The following FBXO28 variants were observed in gnomAD, a reference collection of about 807,000 sequenced individuals.
FBXO28 encodes the protein F-box only protein 28.
FBXO28 carries 8 observed loss-of-function variants against 38.1 expected under a neutral mutation model. The observed-to-expected ratio is 0.21, with a 90% CI of 0.12 to 0.38. The LOEUF (loss-of-function observed/expected upper bound fraction) is 0.38, where lower values mean the gene tolerates loss of function less well. Ranked by LOEUF, FBXO28 falls within the 10% of genes least tolerant of loss-of-function variation. The pLI is 1.00. For synonymous variants in FBXO28, 168 were observed against 173.8 expected, an observed-to-expected ratio of 0.97 and a Z score of 0.26; for missense variants, 345 against 460.6, an observed-to-expected ratio of 0.75 and a Z score of 2.30.
rs553797905 is a variant in FBXO28, at chr1:224,161,086, A to G, written c.*3340A>G. On this transcript the variant is annotated 3_prime_UTR_variant, in exon 5 of 5. Transcript: ENST00000366862. ...TCCCACTTGTTCCTTATTCTTAATA[A>G]ACTTTTTCCTGAGACAGGGCACTTA... 6 of 152,318 alleles carry G rather than the reference A, an allele frequency of 3.9e-5. No individual in the cohort carries two copies. Among genetic ancestry groups the G allele is most frequent in the Admixed American group, 3.9e-4 (6 of 15,288 alleles). The allele number at this position is 152,318 out of a possible 1,614,324, so 9.4% of individuals were successfully genotyped here.
rs890185423 is a variant in FBXO28, at chr1:224,157,783, C to A, written c.*37C>A. 10 of 1,555,994 alleles carry A rather than the reference C, an allele frequency of 6.4e-6. No individual in the cohort carries two copies. Among genetic ancestry groups the A allele is most frequent in the Non-Finnish European group, 8.7e-6 (10 of 1,155,768 alleles). On this transcript the variant is annotated 3_prime_UTR_variant, in exon 5 of 5. Coordinates refer to ENST00000366862, the MANE Select transcript of FBXO28 (RefSeq NM_015176.4). ...GTTCTAGTTCCAGAGGAAGACACAG[C>A]TTAGTAGCTTAAGCAGTTATGCATA...
chr1:224,150,921 C>T lies in FBXO28; in HGVS notation c.517-2221C>T, dbSNP rs147340197. ...TTATTTACTGTTTTTTACTCCAGTA[C>T]TTTGAAAAGTGACAAGTACATAGTA... On this transcript the variant is annotated intron_variant, in intron 3 of 4. Transcript: ENST00000366862. Among the ~76,000 whole-genome samples the T allele has an allele frequency of 1.2e-3, 175 of 152,168 alleles. 1 individual carries two copies. Among genetic ancestry groups the T allele is most frequent in the Admixed American group, 7.8e-3 (119 of 15,270 alleles).
intron 3 of FBXO28, among the ~76,000 whole-genome samples, chr1:224,144,758 C>CA (rs751551504): frequency 6.6e-5 from 10 of 151,666 alleles, no homozygotes; most frequent in Non-Finnish European, 1.5e-4. Context: ...GACTCCATCT[C>CA]AAAAAACAAA....
At chr1:224,151,350 C>T (rs534964754) in intron 3 of FBXO28, among the ~76,000 whole-genome samples, 213 of 152,302 alleles carry the variant, frequency 1.4e-3, no homozygotes, top group African/African-American at 5.0e-3. Context: ...AGCCCACAAA[C>T]CTGGCCTCTC....
At chr1:224,126,655 G>A (rs1326544502) in intron 1 of FBXO28, among the ~76,000 whole-genome samples, 1 of 151,934 alleles carries the variant, frequency 6.6e-6, no homozygotes, top group Non-Finnish European at 1.5e-5. Context: ...TCTCTATTAC[G>A]AAAAATTAGC....
At chr1:224,119,538 C>T (rs559753445) in intron 1 of FBXO28, among the ~76,000 whole-genome samples, 19 of 152,158 alleles carry the variant, frequency 1.2e-4, no homozygotes, top group African/African-American at 4.6e-4. Flanking sequence ...CTCTTGGGGG[C>T]AGTTCGTTCT....
chr1:224,136,808 T>C (rs1005103783), intron 3 of FBXO28, among the ~76,000 whole-genome samples: 2 of 151,468 alleles, frequency 1.3e-5, no homozygotes, highest in Admixed American at 1.3e-4. Context: ...CTGGAGTCCA[T>C]TGGTGCAATC....
rs752746380 is a variant in FBXO28 at position 224,114,429 on chromosome 1, C to G, written c.267+33C>G. The G allele has an allele frequency of 1.1e-5, 16 of 1,461,796 alleles. No homozygotes were observed. The African/African-American group carries it at 1.3e-4, about 12-fold the overall frequency. 90.6% of individuals were successfully genotyped at this position (1,461,796 alleles called of 1,614,324 possible). On this transcript the variant is annotated intron_variant, in intron 1 of 4. Transcript: ENST00000366862. ...CCCCGCAGAACTCCTGCCTCCCTCTCCCCCCGGCCGAGGTCTGGGAGATGA... is the reference window on the plus strand; with the variant it reads ...CCCCGCAGAACTCCTGCCTCCCTCTGCCCCCGGCCGAGGTCTGGGAGATGA...
intron 3 of FBXO28, among the ~76,000 whole-genome samples, chr1:224,151,940 G>T (rs1396205855): frequency 6.6e-6 from 1 of 151,992 alleles, no homozygotes; most frequent in African/African-American, 2.4e-5. Context: ...TACTTGGGAG[G>T]CTGAGGCAGG....
chr1:224,141,520 C>T (rs932235738), intron 3 of FBXO28, among the ~76,000 whole-genome samples: 1 of 151,630 alleles, frequency 6.6e-6, no homozygotes, highest in African/African-American at 2.4e-5. Context: ...AAAGAGGATC[C>T]ATCCCAAGAG....
intron 3 of FBXO28, among the ~76,000 whole-genome samples, chr1:224,142,044 AT>A (rs33975517): frequency 0.16 from 23,519 of 149,634 alleles, 1,964 homozygotes; most frequent in Middle Eastern, 0.25. Flanking sequence ...GGCACATTAA[AT>A]TTTTTTTTTT....
intron 3 of FBXO28, among the ~76,000 whole-genome samples, chr1:224,142,006 C>G (rs1375535937): frequency 6.6e-6 from 1 of 151,624 alleles, no homozygotes; most frequent in African/African-American, 2.4e-5. Context: ...CCTCCCACCT[C>G]GACCTCCCAA....
intron 3 of FBXO28, among the ~76,000 whole-genome samples, chr1:224,141,990 GAC>G (rs1306647273): frequency 6.6e-6 from 1 of 151,354 alleles, no homozygotes; most frequent in East Asian, 1.9e-4. Context: ...CTAGACTCAA[GAC>G]AATCCTCCCA....
chr1:224,141,443 C>G (rs1192330914), intron 3 of FBXO28, among the ~76,000 whole-genome samples: 1 of 150,602 alleles, frequency 6.6e-6, no homozygotes, highest in Non-Finnish European at 1.5e-5. Context: ...TGCACTCCAG[C>G]CTGGGCGACA....
At chr1:224,149,939 C>T (rs73124499) in intron 3 of FBXO28, among the ~76,000 whole-genome samples, 5,863 of 152,124 alleles carry the variant, frequency 0.039, 339 homozygotes, top group African/African-American at 0.13. Flanking sequence ...AGCCCTGGGG[C>T]AAAAAGGTGG....
chr1:224,118,605 ATTTATAGTTCC>A (rs1298241492), intron 1 of FBXO28, among the ~76,000 whole-genome samples: 1 of 152,326 alleles, frequency 6.6e-6, no homozygotes, highest in East Asian at 1.9e-4. Context: ...TCTATTACCT[ATTTATAGTTCC>A]TTTCACATCT....
At chr1:224,115,701 A>C (rs1266978446) in intron 1 of FBXO28, among the ~76,000 whole-genome samples, 1 of 152,190 alleles carries the variant, frequency 6.6e-6, no homozygotes, top group African/African-American at 2.4e-5. Context: ...TAGAATCTTA[A>C]ATATTCCTTC....
chr1:224,116,820 G>A (rs1572002569), intron 1 of FBXO28, among the ~76,000 whole-genome samples: 2 of 152,126 alleles, frequency 1.3e-5, no homozygotes, highest in East Asian at 3.9e-4. Flanking sequence ...GTTGATAATA[G>A]TCTTTGCTTC....
At chr1:224,146,213 G>A (rs572872490) in intron 3 of FBXO28, among the ~76,000 whole-genome samples, 28 of 151,432 alleles carry the variant, frequency 1.8e-4, no homozygotes, top group Middle Eastern at 3.4e-3. Flanking sequence ...CAGCCTGGGC[G>A]ATAGAGTGAG....
Sources: gnomAD v4.1 joint callset for allele counts (sites outside exome capture counted in the v4.1 genomes callset) on GRCh38, gnomAD v4.1.1 for gene constraint, MANE v1.5 for transcripts, NCBI Gene and HGNC (gene_info 2026-07-23, HGNC 2026-07-21) for gene names.